The following ASTN1 variants were observed in gnomAD, a reference collection of about 807,000 sequenced individuals.
ASTN1 encodes the protein astrotactin 1, also known as astrotactin-1.
Under a neutral mutation model 140.7 loss-of-function variants are expected in ASTN1, and 41 were observed. That is an observed-to-expected ratio of 0.29 (90% CI 0.23 to 0.38). The LOEUF is 0.38. ASTN1 is among the 10% of genes least tolerant of loss of function. ASTN1 has a pLI of 1.00. For synonymous variants in ASTN1, 640 were observed against 652.2 expected, an observed-to-expected ratio of 0.98 and a Z score of 0.29; for missense variants, 1,479 against 1,678.8, an observed-to-expected ratio of 0.88 and a Z score of 2.08.
intron 16 of ASTN1, among the ~76,000 whole-genome samples, chr1:176,918,678 C>T (rs1046096946): frequency 6.6e-6 from 1 of 152,182 alleles, no homozygotes; most frequent in Admixed American, 6.5e-5. Flanking sequence ...CAGATTACTG[C>T]TTTAGTCAAT....
intron 8 of ASTN1, among the ~76,000 whole-genome samples, chr1:177,007,781 T>C (rs1009526990): frequency 6.6e-6 from 1 of 152,180 alleles, no homozygotes; most frequent in Non-Finnish European, 1.5e-5. Flanking sequence ...GCAAAGGGCA[T>C]CATTCAAAAT....
intron 1 of ASTN1, among the ~76,000 whole-genome samples, chr1:177,104,094 C>G (rs187597827): frequency 6.6e-6 from 1 of 151,990 alleles, no homozygotes; most frequent in South Asian, 2.1e-4. Flanking sequence ...AAAACAGTAC[C>G]CTCGCCCTGG....
intron 19 of ASTN1, 87 bp downstream of exon 19, chr1:176,884,252 G>A: frequency 6.7e-7 from 1 of 1,485,350 alleles, no homozygotes; most frequent in Non-Finnish European, 9.2e-7. Context: ...TGGGGACCTG[G>A]AGCAAAGCCA....
chr1:176,884,568 T>C, intron 18 of ASTN1, 78 bp from the exon 19 acceptor site: 3 of 1,458,638 alleles, frequency 2.1e-6, no homozygotes, highest in African/African-American at 1.4e-5. Context: ...TCAATTGTGA[T>C]ACTGTAAGCT....
chr1:177,019,766 C>T (rs1675726260), intron 7 of ASTN1, among the ~76,000 whole-genome samples: 2 of 152,204 alleles, frequency 1.3e-5, no homozygotes, highest in Non-Finnish European at 2.9e-5. Context: ...TATTCTCCAG[C>T]TCCAGTTCTT....
At chr1:177,033,624 AC>A (rs2101979384) in intron 2 of ASTN1, among the ~76,000 whole-genome samples, 1 of 152,320 alleles carries the variant, frequency 6.6e-6, no homozygotes, top group South Asian at 2.1e-4. Context: ...CTTTTGGGTC[AC>A]AGCTTTCCCT....
At chr1:177,052,623 C>A (rs1235221448) in intron 2 of ASTN1, among the ~76,000 whole-genome samples, 1 of 152,160 alleles carries the variant, frequency 6.6e-6, no homozygotes, top group Non-Finnish European at 1.5e-5. Flanking sequence ...CAATGACCAG[C>A]ATCTTCTCAG....
chr1:177,105,897 A>G (rs1214333593), intron 1 of ASTN1, among the ~76,000 whole-genome samples: 6 of 151,920 alleles, frequency 3.9e-5, no homozygotes, highest in Non-Finnish European at 8.8e-5. Flanking sequence ...GAGGAGGCAC[A>G]GGGTGGGAGA....
At chr1:177,084,105 C>T (rs1286649332) in intron 1 of ASTN1, among the ~76,000 whole-genome samples, 1 of 152,180 alleles carries the variant, frequency 6.6e-6, no homozygotes, top group Non-Finnish European at 1.5e-5. Flanking sequence ...TTTGCAGTGC[C>T]ATCCGCCTCT....
At chr1:176,868,671 C>T in intron 22 of ASTN1, 173 bp downstream of exon 22, 1 of 625,110 alleles carries the variant, frequency 1.6e-6, no homozygotes. Flanking sequence ...TTAAATAGAG[C>T]TTATCCAAAA....
At chr1:177,048,859 C>T (rs890646719) in intron 2 of ASTN1, among the ~76,000 whole-genome samples, 10 of 152,172 alleles carry the variant, frequency 6.6e-5, no homozygotes, top group African/African-American at 2.4e-4. Flanking sequence ...ACCAAAGGCA[C>T]CTGCAGAGAG....
At chr1:177,160,253 ATTC>A (rs768293628) in intron 1 of ASTN1, among the ~76,000 whole-genome samples, 3 of 152,202 alleles carry the variant, frequency 2.0e-5, no homozygotes, top group Non-Finnish European at 2.9e-5. Context: ...TAACTCCCCC[ATTC>A]TTCTGTTTTC....
At chr1:177,131,863 C>T (rs1475266175) in intron 1 of ASTN1, among the ~76,000 whole-genome samples, 1 of 152,110 alleles carries the variant, frequency 6.6e-6, no homozygotes, top group East Asian at 1.9e-4. Context: ...AGAGAGGAAG[C>T]CAGGGTGATG....
chr1:176,895,937 C>T (rs1669483208), intron 16 of ASTN1, among the ~76,000 whole-genome samples: 1 of 152,158 alleles, frequency 6.6e-6, no homozygotes, highest in Admixed American at 6.5e-5. Context: ...TGGATATATA[C>T]AGGACATTCA....
At chr1:176,966,970 T>G (rs1450353741) in intron 8 of ASTN1, among the ~76,000 whole-genome samples, 1 of 152,144 alleles carries the variant, frequency 6.6e-6, no homozygotes, top group Non-Finnish European at 1.5e-5. Context: ...TTAAAAATAT[T>G]TGTTACAAAA....
intron 22 of ASTN1, among the ~76,000 whole-genome samples, chr1:176,865,361 G>A (rs1242373645): frequency 6.6e-6 from 1 of 152,154 alleles, no homozygotes; most frequent in Admixed American, 6.5e-5. Flanking sequence ...TGGGGGAAAG[G>A]ACTGGCAACA....
intron 2 of ASTN1, among the ~76,000 whole-genome samples, chr1:177,046,680 C>G (rs537761929): frequency 6.6e-6 from 1 of 152,322 alleles, no homozygotes; most frequent in South Asian, 2.1e-4. Context: ...CATGCACACA[C>G]ATGCAGAGGG....
At chr1:176,857,359 GA>G, downstream of ASTN1, 1 of 390,536 alleles carries the variant, frequency 2.6e-6, no homozygotes, top group Non-Finnish European at 4.5e-6. Flanking sequence ...ACCTAGTCAG[GA>G]AAGCAAAATA....
intron 8 of ASTN1, among the ~76,000 whole-genome samples, chr1:176,986,741 G>A (rs1413927305): frequency 6.6e-6 from 1 of 151,986 alleles, no homozygotes; most frequent in Non-Finnish European, 1.5e-5. Context: ...CTCCCATGTA[G>A]AACAACGATA....
Sources: allele counts gnomAD v4.1 joint callset (sites outside exome capture counted in the v4.1 genomes callset), GRCh38; gene constraint gnomAD v4.1.1; transcripts MANE v1.5; gene names NCBI Gene and HGNC (gene_info 2026-07-23, HGNC 2026-07-21).